The following TEKTIP1 variants were observed in gnomAD, a reference collection of about 807,000 sequenced individuals.
TEKTIP1 encodes the protein tektin bundle interacting protein 1.
chr19:3,541,251 G>C, the TEKTIP1 span, among the ~76,000 whole-genome samples: 11 of 151,492 alleles, frequency 7.3e-5, no homozygotes, highest in Admixed American at 5.9e-4. Context: ...TAGGAGGATC[G>C]CTTGAGCCTA....
At chr19:3,541,674 G>A in the TEKTIP1 span, 5 of 985,168 alleles carry the variant, frequency 5.1e-6, no homozygotes, top group African/African-American at 1.7e-5. Flanking sequence ...ATGGGCTCCC[G>A]CAAGTGTGTA....
the TEKTIP1 span, among the ~76,000 whole-genome samples, chr19:3,540,396 T>C: frequency 6.6e-6 from 1 of 151,846 alleles, no homozygotes; most frequent in East Asian, 2.0e-4. Context: ...TAGCTGGGAT[T>C]ACAGGCATGC....
the TEKTIP1 span, among the ~76,000 whole-genome samples, chr19:3,540,490 T>C: frequency 6.6e-6 from 1 of 150,640 alleles, no homozygotes; most frequent in Admixed American, 6.6e-5. Context: ...TCTCCTGACC[T>C]CATGATCTGC....
At chr19:3,543,039 G>A in the TEKTIP1 span, 3 of 1,606,406 alleles carry the variant, frequency 1.9e-6, no homozygotes, top group Non-Finnish European at 1.7e-6. Flanking sequence ...GGGGAGAGGG[G>A]GAGTCAGCCT....
chr19:3,543,890 CCT>C, the TEKTIP1 span: 7 of 1,550,862 alleles, frequency 4.5e-6, no homozygotes, highest in South Asian at 8.3e-5. Flanking sequence ...ACGTGCCCTC[CCT>C]GTCGGCACCC....
the TEKTIP1 span, chr19:3,542,860 A>C: frequency 4.3e-6 from 6 of 1,384,674 alleles, no homozygotes; most frequent in Admixed American, 5.7e-5. Context: ...CCTCCAGGCC[A>C]GGGGGGCTTC....
the TEKTIP1 span, chr19:3,542,208 T>C: frequency 2.0e-6 from 2 of 985,300 alleles, no homozygotes; most frequent in African/African-American, 3.5e-5. Context: ...GCCTTTCTAG[T>C]GGAAAAGCCG....
the TEKTIP1 span, chr19:3,539,462 C>T: frequency 6.2e-5 from 35 of 567,798 alleles, no homozygotes; most frequent in South Asian, 2.2e-5. Context: ...GACCTGGAGA[C>T]AGGCCAAGAA....
the TEKTIP1 span, among the ~76,000 whole-genome samples, chr19:3,540,870 T>C: frequency 4.9e-5 from 3 of 61,122 alleles, no homozygotes; most frequent in African/African-American, 6.8e-5. Context: ...AAACTCCATC[T>C]CAAAAAAAAA....
the TEKTIP1 span, chr19:3,540,132 T>TG: frequency 6.8e-6 from 1 of 147,508 alleles, no homozygotes; most frequent in Non-Finnish European, 1.5e-5. Flanking sequence ...CTCATACTGT[T>TG]GCCCAGGCTA....
At chr19:3,543,002 G>C in the TEKTIP1 span, 3 of 1,597,948 alleles carry the variant, frequency 1.9e-6, no homozygotes, top group Non-Finnish European at 2.6e-6. Flanking sequence ...GTTTAGTGCT[G>C]ACTTGGGTGC....
the TEKTIP1 span, chr19:3,539,246 A>G: frequency 1.0e-5 from 16 of 1,549,252 alleles, no homozygotes; most frequent in East Asian, 2.4e-5. Flanking sequence ...CCAGCTTCCC[A>G]GCACCGCTGT....
At chr19:3,543,168 C>T in the TEKTIP1 span, 1 of 1,519,784 alleles carries the variant, frequency 6.6e-7, no homozygotes, top group Non-Finnish European at 8.8e-7. Context: ...CCCTGGCAGA[C>T]ATCGCAAAGG....
chr19:3,543,595 C>T, the TEKTIP1 span: 28 of 1,544,386 alleles, frequency 1.8e-5, no homozygotes, highest in Non-Finnish European at 2.1e-5. Context: ...GGCATGACCC[C>T]ATCGTCCCTG....
At chr19:3,543,513 A>G in the TEKTIP1 span, 2 of 1,156,578 alleles carry the variant, frequency 1.7e-6, no homozygotes, top group South Asian at 2.7e-5. Context: ...CGGGCCTGCC[A>G]GAGGGGGACA....
chr19:3,542,526 T>A, the TEKTIP1 span: 4 of 922,790 alleles, frequency 4.3e-6, no homozygotes, highest in Admixed American at 2.5e-4. Context: ...CAGGCTGGAG[T>A]GCAAGGGCAC....
At chr19:3,542,969 C>T in the TEKTIP1 span, 5 of 1,546,934 alleles carry the variant, frequency 3.2e-6, no homozygotes, top group South Asian at 5.6e-5. Context: ...CTTCTCCAGG[C>T]AAGAAAAGCT....
chr19:3,542,497 A>G, the TEKTIP1 span: 2 of 975,818 alleles, frequency 2.0e-6, no homozygotes, highest in Non-Finnish European at 2.4e-6. Flanking sequence ...TTTTTGAGAC[A>G]GAGTCTCACT....
the TEKTIP1 span, among the ~76,000 whole-genome samples, chr19:3,540,432 A>G: frequency 6.6e-6 from 1 of 151,264 alleles, no homozygotes; most frequent in Non-Finnish European, 1.5e-5. Flanking sequence ...TAATTTTTGT[A>G]TTTTTAGTAG....
Sources: allele counts gnomAD v4.1 joint callset (sites outside exome capture counted in the v4.1 genomes callset), GRCh38; gene constraint gnomAD v4.1.1; transcripts MANE v1.5; gene names NCBI Gene and HGNC (gene_info 2026-07-23, HGNC 2026-07-21).